SUSD4: variants seen among roughly 807,000 people sequenced by gnomAD.
SUSD4 encodes the protein sushi domain containing 4.
SUSD4 carries 41 observed loss-of-function variants against 50.5 expected under a neutral mutation model. The ratio of observed to expected loss-of-function variants is 0.81; its 90% CI spans 0.63 to 1.05. The LOEUF is 1.05. Ranked by LOEUF, SUSD4 falls within the 50% of genes least tolerant of loss-of-function variation. The probability of loss-of-function intolerance (pLI) is 0.00; values close to 1 mark genes in which losing one functional copy is unlikely to be tolerated. For missense variants in SUSD4, 580 were observed against 634.7 expected (o/e 0.91, Z 0.93); for synonymous variants, 257 against 257.3 (o/e 1.00, Z 0.01).
intron 2 of SUSD4, among the ~76,000 whole-genome samples, chr1:223,296,467 G>T (rs576812255): frequency 3.9e-5 from 6 of 152,314 alleles, no homozygotes; most frequent in Non-Finnish European, 5.9e-5. Flanking sequence ...ATCAGCTGGA[G>T]CATGAGCCAG....
chr1:223,323,062 T>A (rs1277780852), intron 2 of SUSD4, among the ~76,000 whole-genome samples: 2 of 151,880 alleles, frequency 1.3e-5, no homozygotes, highest in Non-Finnish European at 2.9e-5. Flanking sequence ...AGGTAGAGAC[T>A]GAAAGAAGAG....
chr1:223,262,889 G>T (rs1662221232), intron 5 of SUSD4, among the ~76,000 whole-genome samples: 1 of 152,214 alleles, frequency 6.6e-6, no homozygotes, highest in South Asian at 2.1e-4. Flanking sequence ...CATAGTGGAG[G>T]ATGGCAGAGG....
rs184813378 is a variant in SUSD4, at chr1:223,275,337, G to A, written c.362-6662C>T. On this transcript the variant is annotated intron_variant, in intron 3 of 8. Coordinates refer to ENST00000366878, the MANE Select transcript of SUSD4 (RefSeq NM_017982.4). ...TTGTCCTAGAAGGCAAATCTAACCT[G>A]ATTTCTTGCTTTTCTCTTAATAAAC... 3.6e-3 allele frequency among the ~76,000 whole-genome samples: 546 copies of A among 152,278 alleles called. 5 individuals carry two copies. The highest frequency in any genetic ancestry group is 5.6e-3 in the Non-Finnish European group (380 of 68,014).
intron 2 of SUSD4, among the ~76,000 whole-genome samples, chr1:223,304,511 G>A (rs1027783687): frequency 3.9e-5 from 6 of 151,972 alleles, no homozygotes; most frequent in Middle Eastern, 3.4e-3. Context: ...GCATGGTAAC[G>A]GTGAGTATTG....
At position 223,286,272 on chromosome 1, in the gene SUSD4, C is replaced by T. The variant is rs373546432; in HGVS notation, c.361+6167G>A. 5.1e-4 allele frequency among the ~76,000 whole-genome samples: 78 copies of T among 152,268 alleles called. 3 individuals are homozygous for T. In the East Asian group the frequency reaches 0.012, roughly 24 times the overall value. On this transcript the variant is annotated intron_variant, in intron 3 of 8. Transcript: ENST00000366878. Reference sequence around the variant, plus strand: ...CTGGGACTACAGACGCCTGCCACCACGCCTGGCTAATTTTTTGTATTTTTA... The same window carrying T: ...CTGGGACTACAGACGCCTGCCACCATGCCTGGCTAATTTTTTGTATTTTTA...
At chr1:223,361,838 A>T (rs760887087) in intron 2 of SUSD4, among the ~76,000 whole-genome samples, 10 of 152,242 alleles carry the variant, frequency 6.6e-5, no homozygotes, top group Non-Finnish European at 1.2e-4. Context: ...AGATCCACGC[A>T]ATACTGTTCT....
At chr1:223,279,607 T>C (rs1188534620) in intron 3 of SUSD4, among the ~76,000 whole-genome samples, 1 of 152,174 alleles carries the variant, frequency 6.6e-6, no homozygotes, top group Non-Finnish European at 1.5e-5. Context: ...CAAATCTACA[T>C]CTGATTGATG....
At position 223,356,122 on chromosome 1, in the gene SUSD4, T is replaced by C. The variant is rs1038343754; in HGVS notation, c.148+7156A>G. 2.6e-5 allele frequency among the ~76,000 whole-genome samples: 4 copies of C among 151,746 alleles called. No homozygotes were observed. The East Asian group carries it at 7.7e-4, about 29-fold the overall frequency. On this transcript the variant is annotated intron_variant, in intron 2 of 8. Coordinates refer to ENST00000366878, the MANE Select transcript of SUSD4 (RefSeq NM_017982.4). ...TTTAAGATTAATAAAGCAATTACAATACTCTCAATTAAGAAGCTATTTGAG... is the reference window on the plus strand; with the variant it reads ...TTTAAGATTAATAAAGCAATTACAACACTCTCAATTAAGAAGCTATTTGAG...
chr1:223,361,194 T>G (rs1172859248), intron 2 of SUSD4, among the ~76,000 whole-genome samples: 1 of 152,208 alleles, frequency 6.6e-6, no homozygotes, highest in Non-Finnish European at 1.5e-5. Flanking sequence ...AGCCTCCATG[T>G]GCATTTCTTT....
Position 223,229,342 on chromosome 1 carries a change from G to A in SUSD4, c.771C>T (p.His257=), listed in dbSNP as rs1388773660. Residue 257 remains histidine, a synonymous_variant, in exon 6 of 9, where the codon CAC becomes CAT. Transcript: ENST00000366878. The surrounding 1 kb of genome is among the most constrained non-coding windows in gnomAD (Gnocchi z 4.7). ...GGTTGTAGCGCTCACAAGGCCGCGG[G>A]TGGCAGACGAAATCTCCGTGACTCA... ...PMVSHGDFVC[H]PRPCERYNHG... 3 of 1,606,876 alleles carry A rather than the reference G, an allele frequency of 1.9e-6. No homozygotes were observed. Among genetic ancestry groups the A allele is most frequent in the South Asian group, 2.2e-5 (2 of 90,900 alleles).
At chr1:223,325,061 T>C (rs1239472696) in intron 2 of SUSD4, among the ~76,000 whole-genome samples, 3 of 152,110 alleles carry the variant, frequency 2.0e-5, no homozygotes, top group African/African-American at 7.2e-5. Context: ...ACCAAGGCAT[T>C]TGGAAATTCT....
chr1:223,343,160 G>T (rs1039293286), intron 2 of SUSD4, among the ~76,000 whole-genome samples: 2 of 152,056 alleles, frequency 1.3e-5, no homozygotes, highest in Non-Finnish European at 2.9e-5. Flanking sequence ...AGACCTCTGT[G>T]CTGGCTGTTC....
intron 3 of SUSD4, among the ~76,000 whole-genome samples, chr1:223,286,503 C>T (rs928146760): frequency 1.3e-5 from 2 of 152,216 alleles, no homozygotes; most frequent in African/African-American, 4.8e-5. Flanking sequence ...CCACCTGCCT[C>T]AGTCTCCCAA....
At chr1:223,312,994 A>C (rs1043638666) in intron 2 of SUSD4, among the ~76,000 whole-genome samples, 2 of 152,230 alleles carry the variant, frequency 1.3e-5, no homozygotes, top group Non-Finnish European at 2.9e-5. Flanking sequence ...CTATGTTACA[A>C]AGAATTTGGC....
In SUSD4 at chr1:223,229,463, G is replaced by A; in HGVS notation, c.725-75C>T. ...GTCTGAAGCCCCTAAGACGAAGAATGGCCTAGGAGAACTCAGTTAAAAATG... is the reference window on the plus strand; with the variant it reads ...GTCTGAAGCCCCTAAGACGAAGAATAGCCTAGGAGAACTCAGTTAAAAATG... On this transcript the variant is annotated intron_variant, in intron 5 of 8. Coordinates refer to ENST00000366878, the MANE Select transcript of SUSD4 (RefSeq NM_017982.4). The surrounding 1 kb of genome is among the most constrained non-coding windows in gnomAD (Gnocchi z 4.7). 1 of 1,378,128 alleles carries A rather than the reference G, an allele frequency of 7.3e-7. No individual in the cohort carries two copies. The highest frequency in any genetic ancestry group is 9.8e-7 in the Non-Finnish European group (1 of 1,022,214). The allele number at this position is 1,378,128 out of a possible 1,614,324, so 85.4% of individuals were successfully genotyped here.
chr1:223,248,430 C>T (rs1661085900), intron 5 of SUSD4, among the ~76,000 whole-genome samples: 1 of 152,226 alleles, frequency 6.6e-6, no homozygotes, highest in Non-Finnish European at 1.5e-5. Flanking sequence ...CAGCCATCCC[C>T]AGTCTGATCT....
chr1:223,350,429 A>T (rs1668294493), intron 2 of SUSD4, among the ~76,000 whole-genome samples: 1 of 152,126 alleles, frequency 6.6e-6, no homozygotes, highest in Admixed American at 6.5e-5. Flanking sequence ...TTGGACCCTC[A>T]TCACTGTCAG....
Position 223,342,688 on chromosome 1 carries a change from T to C in SUSD4, c.148+20590A>G, listed in dbSNP as rs183646596. On this transcript the variant is annotated intron_variant, in intron 2 of 8. Coordinates refer to ENST00000366878, the MANE Select transcript of SUSD4 (RefSeq NM_017982.4). ...TATTCAATAAATACTGTTGGTACAA[T>C]TGGCTAACCATCTGGATAAAAATTA... is the stretch of plus-strand genomic sequence containing the variant. 7.0e-4 allele frequency among the ~76,000 whole-genome samples: 107 copies of C among 152,348 alleles called. 2 individuals are homozygous for C. The highest frequency in any genetic ancestry group is 6.4e-3 in the Admixed American group (98 of 15,296).
intron 2 of SUSD4, among the ~76,000 whole-genome samples, chr1:223,355,485 C>T (rs1668611334): frequency 6.6e-6 from 1 of 152,130 alleles, no homozygotes; most frequent in African/African-American, 2.4e-5. Context: ...TCCCAAAGTG[C>T]TGAGGTTACA....
Sources: allele counts gnomAD v4.1 joint callset (sites outside exome capture counted in the v4.1 genomes callset), GRCh38; gene constraint gnomAD v4.1.1; non-coding constraint Gnocchi (gnomAD v3.1); transcripts MANE v1.5; gene names NCBI Gene and HGNC (gene_info 2026-07-23, HGNC 2026-07-21).